TSHB: variants seen among roughly 807,000 people sequenced by gnomAD.
TSHB encodes thyrotropin subunit beta.
In TSHB, 9 loss-of-function variants were observed where a neutral mutation model predicts 9.3. That is an observed-to-expected ratio of 0.97 (90% CI 0.58 to 1.69). TSHB has a LOEUF of 1.69. Among genes scored for constraint, TSHB ranks in the 40% most tolerant of loss-of-function variants. The pLI, the probability that TSHB is intolerant of heterozygous loss-of-function variation, is 0.00. For synonymous variants in TSHB, 57 were observed against 57.2 expected (o/e 1.00, Z 0.01); for missense variants, 182 against 168.5 (o/e 1.08, Z -0.44).
intron 1 of TSHB, among the ~76,000 whole-genome samples, chr1:115,031,548 A>G (rs185999407): frequency 3.6e-4 from 55 of 152,196 alleles, no homozygotes; most frequent in Non-Finnish European, 3.2e-4. Context: ...TTATAGAGCT[A>G]AAAGTTAAAA....
rs781534084 is a variant in TSHB at position 115,033,421 on chromosome 1, C to T, written c.59C>T (p.Ser20Phe). Residue 20 changes from serine (S) to phenylalanine (F), a missense_variant, in exon 2 of 3, where the codon TCT becomes TTT. Transcript: ENST00000256592. ...LFGLTCGQAM[S>F]FCIPTEYTMH... ...GGCCTTACATGTGGGCAAGCGATGT[C>T]TTTTTGTATTCCAACTGAGTATACA... is the stretch of plus-strand genomic sequence containing the variant. The T allele has an allele frequency of 6.2e-6, 10 of 1,613,338 alleles. No individual in the cohort carries two copies. The highest frequency in any genetic ancestry group is 8.5e-6 in the Non-Finnish European group (10 of 1,179,358).
chr1:115,033,257 A>T, intron 1 of TSHB, 105 bp from the exon 2 acceptor site: 1 of 1,009,470 alleles, frequency 9.9e-7, no homozygotes, highest in South Asian at 1.4e-5. Flanking sequence ...TATAAGCATG[A>T]TCATATGCAT....
chr1:115,033,522 C>A lies in TSHB; in HGVS notation c.160C>A (p.Arg54=), dbSNP rs764658759. Residue 54 remains arginine, a splice_region_variant and synonymous_variant, in exon 2 of 3, where the codon CGG becomes AGG. Coordinates refer to ENST00000256592, the MANE Select transcript of TSHB (RefSeq NM_000549.5). Reference sequence around the variant, plus strand: ...CATCTGTGCTGGATATTGTATGACACGGGTATGTAGTTCATGTCACTTCTT... The same window carrying A: ...CATCTGTGCTGGATATTGTATGACAAGGGTATGTAGTTCATGTCACTTCTT... ...TTICAGYCMT[R]DINGKLFLPK... is the part of the protein sequence containing the mutation. 1.9e-6 allele frequency: 3 copies of A among 1,612,138 alleles called. No homozygotes were observed. The highest frequency in any genetic ancestry group is 8.5e-7 in the Non-Finnish European group (1 of 1,178,386).
chr1:115,034,122 G>T lies in TSHB; in HGVS notation c.312G>T (p.Lys104Asn). 6.2e-7 allele frequency: 1 copy of T among 1,613,858 alleles called. No individual in the cohort carries two copies. The highest frequency in any genetic ancestry group is 8.5e-7 in the Non-Finnish European group (1 of 1,179,830). ...CCTATCCTGTTGCTTTAAGCTGTAA[G>T]TGTGGCAAGTGCAATACTGACTATA... is the stretch of plus-strand genomic sequence containing the variant. ...YFSYPVALSC[K>N]CGKCNTDYSD... The change falls in exon 3 of 3, where the codon AAG (lysine) becomes AAT (asparagine). Residue 104 changes from lysine to asparagine, a missense_variant. Transcript: ENST00000256592.
chr1:115,030,307 C>A lies in TSHB; in HGVS notation c.-2+447C>A, dbSNP rs1015755603. 2.0e-5 allele frequency among the ~76,000 whole-genome samples: 3 copies of A among 151,980 alleles called. No homozygotes were observed. In the East Asian group the frequency reaches 5.8e-4, roughly 29 times the overall value. ...GGTAATGTACTCTGTATTATAAGTT[C>A]TTTTTAGTTATTTAATAGCTAAACC... On this transcript the variant is annotated intron_variant, in intron 1 of 2. Transcript: ENST00000256592.
In TSHB at chr1:115,034,050, G is replaced by T; in HGVS notation, c.240G>T (p.Arg80Ser). 6.2e-7 allele frequency: 1 copy of T among 1,613,588 alleles called. No individual in the cohort carries two copies. The highest frequency in any genetic ancestry group is 8.5e-7 in the Non-Finnish European group (1 of 1,179,650). The change falls in exon 3 of 3, where the codon AGG (arginine) becomes AGT (serine). Residue 80 changes from arginine to serine, a missense_variant. Arg to Ser is a moderately radical substitution (Grantham distance 110). Coordinates refer to ENST00000256592, the MANE Select transcript of TSHB (RefSeq NM_000549.5). The part of the protein sequence containing the change: ...DVCTYRDFIY[R>S]TVEIPGCPLH... ...GCACATATAGAGACTTCATCTACAG[G>T]ACTGTAGAAATACCAGGATGCCCAC... is the stretch of plus-strand genomic sequence containing the variant.
rs548272635 is a variant in TSHB, at chr1:115,031,222, G to T, written c.-2+1362G>T. On this transcript the variant is annotated intron_variant, in intron 1 of 2. Coordinates refer to ENST00000256592, the MANE Select transcript of TSHB (RefSeq NM_000549.5). Reference sequence around the variant, plus strand: ...TTCTTTATGCCCACAAAGTTGTACAGATACTGTGGCTGGTAATTCAGCACT... The same window carrying T: ...TTCTTTATGCCCACAAAGTTGTACATATACTGTGGCTGGTAATTCAGCACT... 1.2e-4 allele frequency among the ~76,000 whole-genome samples: 19 copies of T among 152,122 alleles called. No individual in the cohort carries two copies. The South Asian group carries it at 3.3e-3, about 27-fold the overall frequency.
At position 115,034,021 on chromosome 1, in the gene TSHB, G is replaced by A; in HGVS notation, c.211G>A (p.Val71Ile). ...TCCCAAATATGCTCTGTCCCAGGAT[G>A]TTTGCACATATAGAGACTTCATCTA... is the stretch of plus-strand genomic sequence containing the variant. ...FLPKYALSQD[V>I]CTYRDFIYRT... Residue 71 changes from valine (V) to isoleucine (I), a missense_variant, in exon 3 of 3, where the codon GTT becomes ATT. By Grantham distance (29) the Val-to-Ile change is conservative (BLOSUM62 3). Transcript: ENST00000256592. 6.2e-7 allele frequency: 1 copy of A among 1,613,690 alleles called. No individual in the cohort carries two copies. The highest frequency in any genetic ancestry group is 8.5e-7 in the Non-Finnish European group (1 of 1,179,704).
Position 115,033,512 on chromosome 1 carries a change from T to C in TSHB, c.150T>C (p.Tyr50=), listed in dbSNP as rs753330036. The C allele has an allele frequency of 3.0e-5, 48 of 1,613,058 alleles. No individual in the cohort carries two copies. The highest frequency in any genetic ancestry group is 1.7e-6 in the Non-Finnish European group (2 of 1,179,234). The change falls in exon 2 of 3, where the codon TAT becomes TAC. Residue 50 remains tyrosine, a synonymous_variant. Coordinates refer to ENST00000256592, the MANE Select transcript of TSHB (RefSeq NM_000549.5). ...LTINTTICAG[Y]CMTRDINGKL... is the part of the protein sequence containing the mutation. ...TCAACACCACCATCTGTGCTGGATA[T>C]TGTATGACACGGGTATGTAGTTCAT... is the stretch of plus-strand genomic sequence containing the variant.
chr1:115,032,096 G>C (rs1228115042), intron 1 of TSHB, among the ~76,000 whole-genome samples: 4 of 151,946 alleles, frequency 2.6e-5, no homozygotes, highest in Non-Finnish European at 5.9e-5. Flanking sequence ...CAGCCCTTTA[G>C]GTAAAGGACC....
intron 2 of TSHB, 188 bp downstream of exon 2, chr1:115,033,712 A>C (rs1047883202): frequency 4.4e-6 from 1 of 227,488 alleles, no homozygotes; most frequent in Admixed American, 6.5e-5. Flanking sequence ...GGATACGCAT[A>C]ATTTTATAAC....
At chr1:115,033,819 T>C in intron 2 of TSHB, 154 bp from the exon 3 acceptor site, 1 of 506,456 alleles carries the variant, frequency 2.0e-6, no homozygotes, top group Non-Finnish European at 2.5e-6. Context: ...GAATTCAACG[T>C]GGTTAAGTTG....
At chr1:115,032,553 G>A (rs192683146) in intron 1 of TSHB, among the ~76,000 whole-genome samples, 3 of 151,762 alleles carry the variant, frequency 2.0e-5, no homozygotes, top group African/African-American at 4.8e-5. Flanking sequence ...TACTTGAGAA[G>A]GAAAAAAATC....
intron 1 of TSHB, among the ~76,000 whole-genome samples, chr1:115,030,465 T>G (rs944170066): frequency 6.6e-6 from 1 of 151,922 alleles, no homozygotes; most frequent in Non-Finnish European, 1.5e-5. Context: ...GTAAGGGATT[T>G]GGAGAGTAAA....
At chr1:115,033,270 G>A in intron 1 of TSHB, 92 bp from the exon 2 acceptor site, 2 of 1,147,134 alleles carry the variant, frequency 1.7e-6, no homozygotes, top group Non-Finnish European at 2.6e-6. Flanking sequence ...ATATGCATTG[G>A]GATGGTACTG....
At chr1:115,030,042 T>G (rs1674860618) in intron 1 of TSHB, among the ~76,000 whole-genome samples, 182 bp downstream of exon 1, 1 of 152,104 alleles carries the variant, frequency 6.6e-6, no homozygotes, top group Admixed American at 6.6e-5. Context: ...GTGAGAGAAC[T>G]ACCTACATAA....
At position 115,034,193 on chromosome 1, in the gene TSHB, C is replaced by T; in HGVS notation, c.383C>T (p.Pro128Leu). ...EAIKTNYCTK[P>L]QKSYLVGFSV Reference sequence around the variant, plus strand: ...ATCAAGACAAACTACTGTACCAAACCTCAGAAGTCTTATCTGGTAGGATTT... The same window carrying T: ...ATCAAGACAAACTACTGTACCAAACTTCAGAAGTCTTATCTGGTAGGATTT... The change falls in exon 3 of 3, where the codon CCT becomes CTT. Residue 128 changes from proline to leucine, a missense_variant. Physicochemically the swap from Pro to Leu is moderately conservative, Grantham distance 98. Transcript: ENST00000256592. 6.2e-7 allele frequency: 1 copy of T among 1,613,762 alleles called. No homozygotes were observed. Among genetic ancestry groups the T allele is most frequent in the Non-Finnish European group, 8.5e-7 (1 of 1,179,756 alleles).
intron 1 of TSHB, among the ~76,000 whole-genome samples, chr1:115,030,108 A>C (rs1674861917): frequency 6.6e-6 from 1 of 152,048 alleles, no homozygotes; most frequent in African/African-American, 2.4e-5. Flanking sequence ...TTAGTTCCCT[A>C]ATGAAGGATA....
At chr1:115,033,014 T>TC (rs1183595070) in intron 1 of TSHB, among the ~76,000 whole-genome samples, 1 of 151,620 alleles carries the variant, frequency 6.6e-6, no homozygotes, top group Non-Finnish European at 1.5e-5. Context: ...CCTTTTTTTT[T>TC]TTTTTGCCTG....
Sources: allele counts gnomAD v4.1 joint callset (sites outside exome capture counted in the v4.1 genomes callset), GRCh38; gene constraint gnomAD v4.1.1; transcripts MANE v1.5; gene names NCBI Gene and HGNC (gene_info 2026-07-23, HGNC 2026-07-21).